WWP2: variants seen among roughly 807,000 people sequenced by gnomAD.
WWP2 encodes WW domain containing E3 ubiquitin protein ligase 2, also known as NEDD4-like E3 ubiquitin-protein ligase WWP2.
WWP2 carries 57 observed loss-of-function variants against 121.0 expected under a neutral mutation model. The ratio of observed to expected loss-of-function variants is 0.47; its 90% CI spans 0.38 to 0.59. WWP2 has a LOEUF of 0.59. Among genes scored for constraint, WWP2 ranks in the 20% least tolerant of loss-of-function variants. The pLI, the probability that WWP2 is intolerant of heterozygous loss-of-function variation, is 0.00. For synonymous variants in WWP2, 449 were observed against 441.3 expected, an observed-to-expected ratio of 1.02 and a Z score of -0.22; for missense variants, 962 against 1,158.9, an observed-to-expected ratio of 0.83 and a Z score of 2.47.
intron 4 of WWP2, among the ~76,000 whole-genome samples, chr16:69,827,154 G>GAA (rs71151140): frequency 5.4e-4 from 77 of 142,196 alleles, no homozygotes; most frequent in Non-Finnish European, 6.4e-4. Flanking sequence ...TGGAAATTAT[G>GAA]AAAAAAAAAA....
chr16:69,816,854 T>G (rs2056502955), intron 4 of WWP2, among the ~76,000 whole-genome samples: 1 of 152,182 alleles, frequency 6.6e-6, no homozygotes, highest in African/African-American at 2.4e-5. Context: ...CTCCGTACAT[T>G]CAAGGTAGAT....
chr16:69,798,074 A>G (rs1486011297), intron 2 of WWP2, among the ~76,000 whole-genome samples: 2 of 152,180 alleles, frequency 1.3e-5, no homozygotes, highest in Non-Finnish European at 2.9e-5. Flanking sequence ...AAAAGTGAAC[A>G]AGCATATCCC....
intron 2 of WWP2, among the ~76,000 whole-genome samples, chr16:69,793,364 TAATA>T (rs892818152): frequency 6.6e-5 from 10 of 151,830 alleles, no homozygotes; most frequent in African/African-American, 2.4e-4. Flanking sequence ...AAAATAATAA[TAATA>T]AATAAATAAA....
At chr16:69,821,994 G>A (rs547981748) in intron 4 of WWP2, among the ~76,000 whole-genome samples, 23 of 151,732 alleles carry the variant, frequency 1.5e-4, no homozygotes, top group Non-Finnish European at 2.1e-4. Flanking sequence ...CCAGCCTCCC[G>A]AGTAGCTAAG....
At chr16:69,775,261 G>A (rs1220137986) in intron 1 of WWP2, 2 of 152,154 alleles carry the variant, frequency 1.3e-5, no homozygotes, top group African/African-American at 4.8e-5. Flanking sequence ...TCAAAGGAGG[G>A]TCATATGACC....
chr16:69,830,580 G>A (rs2056776635), intron 4 of WWP2, among the ~76,000 whole-genome samples: 1 of 152,204 alleles, frequency 6.6e-6, no homozygotes, highest in South Asian at 2.1e-4. Flanking sequence ...CCAAGCCAGA[G>A]TTCTCATTAC....
intron 8 of WWP2, among the ~76,000 whole-genome samples, chr16:69,907,678 T>C (rs2058315101): frequency 6.6e-6 from 1 of 152,210 alleles, no homozygotes; most frequent in South Asian, 2.1e-4. Context: ...CTGTATTTTG[T>C]ACTGATCGGG....
chr16:69,805,709 C>T (rs1265983465), intron 4 of WWP2, among the ~76,000 whole-genome samples: 1 of 151,532 alleles, frequency 6.6e-6, no homozygotes, highest in Non-Finnish European at 1.5e-5. Flanking sequence ...CTCCCAGGCT[C>T]AAGCAATCCT....
At chr16:69,842,261 A>G (rs9940315) in intron 6 of WWP2, 141 bp downstream of exon 6, 466,178 of 747,746 alleles carry the variant, frequency 0.62, 150,879 homozygotes, top group African/African-American at 0.9. Flanking sequence ...AGTAGTTAAG[A>G]AAGCTAATAG....
chr16:69,906,728 A>G (rs1485623018), intron 8 of WWP2, among the ~76,000 whole-genome samples: 2 of 152,170 alleles, frequency 1.3e-5, no homozygotes, highest in African/African-American at 4.8e-5. Flanking sequence ...CGAAATAAAA[A>G]GATTAGCTGG....
chr16:69,889,175 ACAAATGTGGG>A (rs2057981843), intron 8 of WWP2, among the ~76,000 whole-genome samples: 1 of 152,030 alleles, frequency 6.6e-6, no homozygotes. Flanking sequence ...ACACACACAC[ACAAATGTGGG>A]CACAGTGACC....
chr16:69,849,481 T>TCA (rs879293544), intron 6 of WWP2, among the ~76,000 whole-genome samples: 2,759 of 144,822 alleles, frequency 0.019, 37 homozygotes, highest in African/African-American at 0.023. Flanking sequence ...ATTTATTTAT[T>TCA]TATTCATTCA....
intron 2 of WWP2, among the ~76,000 whole-genome samples, chr16:69,796,595 C>T (rs532730333): frequency 1.2e-4 from 19 of 152,238 alleles, no homozygotes; most frequent in Non-Finnish European, 2.1e-4. Flanking sequence ...GAATGCATAT[C>T]GCTTTCGCAC....
chr16:69,858,705 G>A (rs1236638479), intron 6 of WWP2, among the ~76,000 whole-genome samples: 1 of 152,176 alleles, frequency 6.6e-6, no homozygotes, highest in Non-Finnish European at 1.5e-5. Context: ...AATCAGAGAA[G>A]AATTGACACA....
intron 6 of WWP2, among the ~76,000 whole-genome samples, chr16:69,848,180 G>A (rs34378064): frequency 0.38 from 57,956 of 152,070 alleles, 11,258 homozygotes; most frequent in Admixed American, 0.49. Context: ...GTGGCTCAGC[G>A]TGCAGGCTGG....
At chr16:69,853,604 C>G (rs1597057900) in intron 6 of WWP2, among the ~76,000 whole-genome samples, 4 of 152,188 alleles carry the variant, frequency 2.6e-5, no homozygotes, top group East Asian at 3.8e-4. Context: ...GTGGGAATGT[C>G]TGATACAGTG....
chr16:69,806,179 C>G (rs2056270960), intron 4 of WWP2, among the ~76,000 whole-genome samples: 1 of 152,162 alleles, frequency 6.6e-6, no homozygotes. Flanking sequence ...CTAGGCTGGA[C>G]AGCAGAGTGA....
intron 6 of WWP2, among the ~76,000 whole-genome samples, chr16:69,857,516 A>G (rs541886617): frequency 3.3e-5 from 5 of 152,282 alleles, no homozygotes; most frequent in African/African-American, 1.2e-4. Flanking sequence ...AGTGGTGTGA[A>G]GAGAGCAAGA....
At chr16:69,818,473 C>G (rs1253396301) in intron 4 of WWP2, among the ~76,000 whole-genome samples, 1 of 152,096 alleles carries the variant, frequency 6.6e-6, no homozygotes, top group Non-Finnish European at 1.5e-5. Flanking sequence ...TCCCAAAGTT[C>G]TGGGATTACA....
Sources: gnomAD v4.1 joint callset for allele counts (sites outside exome capture counted in the v4.1 genomes callset) on GRCh38, gnomAD v4.1.1 for gene constraint, MANE v1.5 for transcripts, NCBI Gene and HGNC (gene_info 2026-07-23, HGNC 2026-07-21) for gene names.